Variants in RAPGEF6 observed in about 807,000 individuals in gnomAD.
RAPGEF6 encodes the protein PDZ domain containing guanine nucleotide exchange factor (GEF) 2.
A neutral mutation model predicts 171.4 loss-of-function variants in RAPGEF6; 56 were observed. The observed-to-expected ratio is 0.33, with a 90% CI of 0.26 to 0.41. The LOEUF is 0.41. RAPGEF6 is among the 10% of genes least tolerant of loss of function. The pLI is 1.00. For synonymous variants in RAPGEF6, 692 were observed against 650.1 expected (o/e 1.06, Z -0.98); for missense variants, 1,674 against 1,921.4 (o/e 0.87, Z 2.41).
chr5:131,619,140 G>C (rs1271972207), intron 1 of RAPGEF6, among the ~76,000 whole-genome samples: 1 of 151,974 alleles, frequency 6.6e-6, no homozygotes, highest in African/African-American at 2.4e-5. Context: ...ATTGAAAAAT[G>C]AAACAGAGGT....
At chr5:131,535,509 T>C (rs1759706704) in intron 6 of RAPGEF6, among the ~76,000 whole-genome samples, 1 of 152,130 alleles carries the variant, frequency 6.6e-6, no homozygotes, top group South Asian at 2.1e-4. Flanking sequence ...GATCTACCTA[T>C]TGTCTAGGAA....
chr5:131,634,977 G>A lies in RAPGEF6; in HGVS notation c.54C>T (p.Pro18=). The A allele has an allele frequency of 6.2e-7, 1 of 1,614,034 alleles. No homozygotes were observed. The highest frequency in any genetic ancestry group is 8.5e-7 in the Non-Finnish European group (1 of 1,179,912). ...CCAGCCTCACCTCGGGAGTCCGCTC[G>A]GGTGGCTTCTTCCTCAACGCCTGCC... The part of the protein sequence containing the change: ...GARQALRKKP[P]ERTPEDLNTI... The change falls in exon 1 of 28, where the codon CCC becomes CCT. Residue 18 remains proline, a synonymous_variant. Transcript: ENST00000509018.
At position 131,480,810 on chromosome 5, in the gene RAPGEF6, A is replaced by T. The variant is rs1580891715; in HGVS notation, c.1841-1057T>A. Reference sequence around the variant, plus strand: ...TGGTAATTTTAATTTGGTAATATATATCGATTCCTCACGGTCACATTTATG... The same window carrying T: ...TGGTAATTTTAATTTGGTAATATATTTCGATTCCTCACGGTCACATTTATG... On this transcript the variant is annotated intron_variant, in intron 15 of 27. Coordinates refer to ENST00000509018, the MANE Select transcript of RAPGEF6 (RefSeq NM_016340.6). 2.0e-5 allele frequency among the ~76,000 whole-genome samples: 3 copies of T among 151,360 alleles called. No homozygotes were observed. In the South Asian group the frequency reaches 6.3e-4, roughly 32 times the overall value.
In RAPGEF6 at chr5:131,453,089, A is replaced by T; in HGVS notation, c.3165T>A (p.Ser1055=). Residue 1055 remains serine (S), a synonymous_variant, in exon 21 of 28, where the codon TCT becomes TCA. Transcript: ENST00000509018. ...KEIRQVVRMT[S]ANMDPAMMFR... is the part of the protein sequence containing the mutation. ...ACATCATAGCTGGGTCCATGTTAGC[A>T]GAAGTCATTCGAACAACTTGGCGGA... 6.2e-7 allele frequency: 1 copy of T among 1,614,104 alleles called. No individual in the cohort carries two copies. Among genetic ancestry groups the T allele is most frequent in the South Asian group, 1.1e-5 (1 of 91,060 alleles).
intron 26 of RAPGEF6, 53 bp downstream of exon 26, chr5:131,430,806 A>G: frequency 6.3e-7 from 1 of 1,581,188 alleles, no homozygotes; most frequent in South Asian, 1.2e-5. Flanking sequence ...TCCCAATGCC[A>G]TTTTTTGACT....
intron 1 of RAPGEF6, among the ~76,000 whole-genome samples, chr5:131,616,505 A>C (rs937812452): frequency 6.6e-6 from 1 of 152,210 alleles, no homozygotes; most frequent in Non-Finnish European, 1.5e-5. Context: ...GTCCTTCTAC[A>C]GGTGTTTAGA....
At chr5:131,431,580 CTTAGAA>C (rs985359777) in intron 25 of RAPGEF6, among the ~76,000 whole-genome samples, 1 of 151,862 alleles carries the variant, frequency 6.6e-6, no homozygotes, top group African/African-American at 2.4e-5. Flanking sequence ...GCAAAATTTC[CTTAGAA>C]TTTTTCTTTT....
At chr5:131,476,006 A>G (rs1179800025) in intron 16 of RAPGEF6, among the ~76,000 whole-genome samples, 1 of 152,370 alleles carries the variant, frequency 6.6e-6, no homozygotes, top group East Asian at 1.9e-4. Flanking sequence ...AAAAAATAAC[A>G]AATGTTCAAG....
intron 4 of RAPGEF6, among the ~76,000 whole-genome samples, chr5:131,586,591 A>C (rs1763271296): frequency 6.6e-6 from 1 of 152,206 alleles, no homozygotes; most frequent in African/African-American, 2.4e-5. Context: ...AAATTGTGCC[A>C]CTGCACTCCA....
rs368550009 is a variant in RAPGEF6, at chr5:131,471,092, T to C, written c.2239+1495A>G. 2.6e-4 allele frequency among the ~76,000 whole-genome samples: 40 copies of C among 152,364 alleles called. No homozygotes were observed. In the South Asian group the frequency reaches 7.7e-3, roughly 29 times the overall value. On this transcript the variant is annotated intron_variant, in intron 17 of 27. Coordinates refer to ENST00000509018, the MANE Select transcript of RAPGEF6 (RefSeq NM_016340.6). ...CCGGTAAATAGTTTAATTAACTTTATACTTTGGTAACAATCTTCACATTAA... is the reference window on the plus strand; with the variant it reads ...CCGGTAAATAGTTTAATTAACTTTACACTTTGGTAACAATCTTCACATTAA...
intron 6 of RAPGEF6, among the ~76,000 whole-genome samples, chr5:131,543,747 CT>C (rs1760316132): frequency 6.6e-6 from 1 of 152,158 alleles, no homozygotes; most frequent in African/African-American, 2.4e-5. Context: ...AGTTTTTATA[CT>C]TGGCTTGATT....
chr5:131,612,776 C>A (rs1765010720), intron 1 of RAPGEF6, among the ~76,000 whole-genome samples: 5 of 152,228 alleles, frequency 3.3e-5, no homozygotes, highest in Admixed American at 3.3e-4. Context: ...AGACTCTCAA[C>A]TAAACTTATA....
intron 7 of RAPGEF6, among the ~76,000 whole-genome samples, chr5:131,514,624 A>G (rs1052919075): frequency 1.3e-5 from 2 of 152,180 alleles, no homozygotes; most frequent in Admixed American, 6.5e-5. Flanking sequence ...CAATTAGAGG[A>G]AAAATGGATA....
chr5:131,526,407 G>A (rs1388637008), intron 6 of RAPGEF6, among the ~76,000 whole-genome samples: 1 of 152,140 alleles, frequency 6.6e-6, no homozygotes, highest in Non-Finnish European at 1.5e-5. Context: ...TCTTAGAGAT[G>A]TTATAAAGGT....
At chr5:131,617,051 C>A (rs1765307707) in intron 1 of RAPGEF6, among the ~76,000 whole-genome samples, 1 of 152,210 alleles carries the variant, frequency 6.6e-6, no homozygotes, top group African/African-American at 2.4e-5. Flanking sequence ...AAGGTCAGCA[C>A]AAATTCAACT....
At chr5:131,430,403 C>T (rs1485976332) in intron 26 of RAPGEF6, among the ~76,000 whole-genome samples, 1 of 152,068 alleles carries the variant, frequency 6.6e-6, no homozygotes, top group Non-Finnish European at 1.5e-5. Context: ...AGAGAGTATA[C>T]TGAAAAATGT....
intron 25 of RAPGEF6, 84 bp downstream of exon 25, chr5:131,433,346 G>A: frequency 1.7e-6 from 2 of 1,170,618 alleles, no homozygotes; most frequent in Non-Finnish European, 2.5e-6. Flanking sequence ...CCCCATGGGA[G>A]GTCCAAGGTC....
At chr5:131,472,387 T>C in intron 17 of RAPGEF6, 200 bp downstream of exon 17, 1 of 705,330 alleles carries the variant, frequency 1.4e-6, no homozygotes, top group East Asian at 2.9e-5. Flanking sequence ...AGTCTCTTTT[T>C]TATGTACTTC....
chr5:131,507,934 C>T, intron 9 of RAPGEF6, 137 bp downstream of exon 9: 1 of 830,956 alleles, frequency 1.2e-6, no homozygotes, highest in Non-Finnish European at 1.8e-6. Flanking sequence ...GTAACTAACT[C>T]AAACTTGGCA....
Sources: gnomAD v4.1 joint callset for allele counts (sites outside exome capture counted in the v4.1 genomes callset) on GRCh38, gnomAD v4.1.1 for gene constraint, MANE v1.5 for transcripts, NCBI Gene and HGNC (gene_info 2026-07-23, HGNC 2026-07-21) for gene names.